Variants in PIP4K2A observed in about 807,000 individuals in gnomAD.
PIP4K2A encodes the protein phosphatidylinositol-5-phosphate 4-kinase type 2 alpha, also known as phosphatidylinositol 5-phosphate 4-kinase type-2 alpha.
PIP4K2A carries 14 observed loss-of-function variants against 42.9 expected under a neutral mutation model. The ratio of observed to expected loss-of-function variants is 0.33; its 90% confidence interval spans 0.22 to 0.51. PIP4K2A has a LOEUF of 0.51. PIP4K2A is among the 20% of genes least tolerant of loss of function. The pLI is 0.97. For synonymous variants in PIP4K2A, 192 were observed against 192.2 expected (o/e 1.00, Z 0.01); for missense variants, 434 against 519.8 (o/e 0.83, Z 1.61).
chr10:22,672,338 T>C (rs989116204), intron 1 of PIP4K2A, among the ~76,000 whole-genome samples: 32 of 152,316 alleles, frequency 2.1e-4, no homozygotes, highest in African/African-American at 7.5e-4. Flanking sequence ...TCCAATGCAC[T>C]GTCCTTGAAC....
intron 1 of PIP4K2A, among the ~76,000 whole-genome samples, chr10:22,619,746 T>C: frequency 6.6e-6 from 1 of 152,220 alleles, no homozygotes; most frequent in South Asian, 2.1e-4. Flanking sequence ...TAATATTCAT[T>C]TTCTAAGACC....
At chr10:22,540,744 G>A (rs772260660) in intron 8 of PIP4K2A, among the ~76,000 whole-genome samples, 8 of 152,062 alleles carry the variant, frequency 5.3e-5, no homozygotes, top group Non-Finnish European at 8.8e-5. Context: ...TAGTAGAGAT[G>A]GGGTTTCTCC....
intron 1 of PIP4K2A, among the ~76,000 whole-genome samples, chr10:22,710,996 C>T (rs74121891): frequency 0.032 from 4,921 of 152,224 alleles, 173 homozygotes; most frequent in African/African-American, 0.09. Context: ...CATCTTAAGA[C>T]GCTTACTGTT....
intron 7 of PIP4K2A, among the ~76,000 whole-genome samples, chr10:22,546,474 T>C (rs893576557): frequency 3.3e-5 from 5 of 152,156 alleles, no homozygotes; most frequent in Non-Finnish European, 7.4e-5. Context: ...TGCAGTGGTG[T>C]GATCATGGCT....
At chr10:22,635,466 C>T (rs1033552951) in intron 1 of PIP4K2A, among the ~76,000 whole-genome samples, 1 of 152,072 alleles carries the variant, frequency 6.6e-6, no homozygotes, top group African/African-American at 2.4e-5. Flanking sequence ...GCACAAAAGG[C>T]TGTGATAGTA....
intron 6 of PIP4K2A, among the ~76,000 whole-genome samples, chr10:22,554,196 A>T (rs1361875082): frequency 1.8e-4 from 28 of 152,068 alleles, no homozygotes; most frequent in Admixed American, 1.8e-3. Context: ...ACAATGATTC[A>T]CTCTCAAGAA....
chr10:22,691,090 T>G (rs988469834), intron 1 of PIP4K2A, among the ~76,000 whole-genome samples: 1 of 152,168 alleles, frequency 6.6e-6, no homozygotes, highest in African/African-American at 2.4e-5. Context: ...GGTAAAGTCT[T>G]AAGAAATGCC....
At chr10:22,578,124 A>T (rs1219667394) in intron 4 of PIP4K2A, among the ~76,000 whole-genome samples, 3 of 152,220 alleles carry the variant, frequency 2.0e-5, no homozygotes, top group African/African-American at 4.8e-5. Flanking sequence ...TAATTGTTCA[A>T]TCTAAGTGAT....
At chr10:22,587,527 G>T (rs1471027341) in intron 4 of PIP4K2A, among the ~76,000 whole-genome samples, 1 of 152,138 alleles carries the variant, frequency 6.6e-6, no homozygotes, top group East Asian at 1.9e-4. Context: ...AGGAATGAAG[G>T]CCTGACATAT....
At chr10:22,571,396 T>C (rs1437588599) in intron 5 of PIP4K2A, among the ~76,000 whole-genome samples, 1 of 152,242 alleles carries the variant, frequency 6.6e-6, no homozygotes, top group East Asian at 1.9e-4. Flanking sequence ...AAAAAACTTA[T>C]ATCCACCATC....
intron 1 of PIP4K2A, among the ~76,000 whole-genome samples, chr10:22,636,235 A>G (rs565363653): frequency 3.9e-4 from 60 of 152,224 alleles, no homozygotes; most frequent in African/African-American, 1.4e-3. Context: ...ACCACAACTG[A>G]TTTATTTTTC....
At chr10:22,662,054 T>C (rs1159541982) in intron 1 of PIP4K2A, among the ~76,000 whole-genome samples, 1 of 152,194 alleles carries the variant, frequency 6.6e-6, no homozygotes, top group African/African-American at 2.4e-5. Flanking sequence ...AAAAGTTGGG[T>C]GCAAGGAATG....
intron 1 of PIP4K2A, among the ~76,000 whole-genome samples, chr10:22,703,145 C>T (rs1295582595): frequency 2.0e-5 from 3 of 152,154 alleles, no homozygotes; most frequent in Non-Finnish European, 2.9e-5. Flanking sequence ...GTGGTTCATG[C>T]CTCTAATCCC....
chr10:22,569,272 C>T (rs73598567), intron 5 of PIP4K2A, among the ~76,000 whole-genome samples: 6,779 of 152,258 alleles, frequency 0.045, 349 homozygotes, highest in African/African-American at 0.13. Context: ...ATCCGAGGGA[C>T]GCTGCTGCTG....
intron 4 of PIP4K2A, among the ~76,000 whole-genome samples, 176 bp downstream of exon 4, chr10:22,591,453 G>A (rs896871762): frequency 6.6e-6 from 1 of 152,232 alleles, no homozygotes; most frequent in Non-Finnish European, 1.5e-5. Context: ...CATGCCTAAA[G>A]GTTAACTGCC....
At chr10:22,705,522 C>A (rs7905225) in intron 1 of PIP4K2A, among the ~76,000 whole-genome samples, 2,985 of 147,032 alleles carry the variant, frequency 0.02, 99 homozygotes, top group African/African-American at 0.071. Context: ...CTGAGGTAGG[C>A]CTAAATTCCC....
At chr10:22,635,223 C>T (rs986552768) in intron 1 of PIP4K2A, among the ~76,000 whole-genome samples, 3 of 152,026 alleles carry the variant, frequency 2.0e-5, no homozygotes, top group Non-Finnish European at 2.9e-5. Flanking sequence ...ACAGAGAGAA[C>T]CCTAATGTCA....
intron 1 of PIP4K2A, among the ~76,000 whole-genome samples, chr10:22,666,880 C>A (rs1839363293): frequency 6.6e-6 from 1 of 152,160 alleles, no homozygotes; most frequent in Non-Finnish European, 1.5e-5. Context: ...TCAGAACAAC[C>A]AACATCCACA....
At chr10:22,629,731 A>G (rs1238173824) in intron 1 of PIP4K2A, among the ~76,000 whole-genome samples, 3 of 151,862 alleles carry the variant, frequency 2.0e-5, no homozygotes, top group Non-Finnish European at 2.9e-5. Flanking sequence ...CCTTTTTAAC[A>G]CTCTAGAGGA....
Sources: allele counts gnomAD v4.1 joint callset (sites outside exome capture counted in the v4.1 genomes callset), GRCh38; gene constraint gnomAD v4.1.1; transcripts MANE v1.5; gene names NCBI Gene and HGNC (gene_info 2026-07-23, HGNC 2026-07-21).